Variants in YAP1 observed in about 807,000 individuals in gnomAD.
YAP1 encodes the protein Yes1 associated transcriptional regulator, also known as transcriptional coactivator YAP1.
Under a neutral mutation model 56.9 loss-of-function variants are expected in YAP1, and 5 were observed. The observed-to-expected ratio is 0.09, with a 90% CI of 0.05 to 0.18. The LOEUF (loss-of-function observed/expected upper bound fraction) is 0.18. Ranked by LOEUF, YAP1 falls within the 10% of genes least tolerant of loss-of-function variation. The pLI is 1.00. For synonymous variants in YAP1, 265 were observed against 248.1 expected (o/e 1.07, Z -0.64); for missense variants, 539 against 651.8 (o/e 0.83, Z 1.88).
chr11:102,166,433 A>G (rs1299578229), intron 3 of YAP1, among the ~76,000 whole-genome samples: 3 of 152,234 alleles, frequency 2.0e-5, no homozygotes, highest in African/African-American at 4.8e-5. Flanking sequence ...TTGACATGTT[A>G]ATAAGGTTTC....
At chr11:102,180,838 G>A (rs377002516) in intron 3 of YAP1, among the ~76,000 whole-genome samples, 2 of 151,750 alleles carry the variant, frequency 1.3e-5, no homozygotes, top group East Asian at 1.9e-4. Flanking sequence ...AAAATGTTTC[G>A]AAGCTAAATG....
Position 102,110,658 on chromosome 11 carries a change from AGGGCGGGGGCGGAGGCGCCGGGGCGGG to A in YAP1, c.-188_-162del. On this transcript the variant is annotated 5_prime_UTR_variant, in exon 1 of 9. Coordinates refer to ENST00000282441, the MANE Select transcript of YAP1 (RefSeq NM_001130145.3). ...CGCCAGACCAGTGGAGCCGGGGCGC[AGGGCGGGGGCGGAGGCGCCGGGGCGGG>A]GGATGCGGGGCCGCGGCGCAGCCCC... The A allele has an allele frequency of 3.1e-6, 1 of 324,176 alleles. No individual in the cohort carries two copies. The highest frequency in any genetic ancestry group is 1.4e-4 in the South Asian group (1 of 7,190). 20.1% of individuals were successfully genotyped at this position (324,176 alleles called of 1,614,324 possible).
At chr11:102,222,644 T>C (rs1410538626) in intron 6 of YAP1, among the ~76,000 whole-genome samples, 1 of 152,134 alleles carries the variant, frequency 6.6e-6, no homozygotes, top group Non-Finnish European at 1.5e-5. Flanking sequence ...AATATTATGT[T>C]TGTGGTGGAG....
At chr11:102,171,915 C>T (rs1456130799) in intron 3 of YAP1, among the ~76,000 whole-genome samples, 2 of 152,050 alleles carry the variant, frequency 1.3e-5, no homozygotes, top group Non-Finnish European at 2.9e-5. Context: ...CAGGACCAGG[C>T]GTGGTGGCTC....
intron 3 of YAP1, among the ~76,000 whole-genome samples, chr11:102,181,406 A>G (rs961646394): frequency 6.6e-6 from 1 of 152,156 alleles, no homozygotes; most frequent in Non-Finnish European, 1.5e-5. Context: ...AGATTGCGCC[A>G]CTGCACTCCA....
chr11:102,129,856 G>A (rs955519539), intron 2 of YAP1, among the ~76,000 whole-genome samples: 1 of 135,800 alleles, frequency 7.4e-6, no homozygotes, highest in African/African-American at 2.8e-5. Flanking sequence ...CTGGAGTGAT[G>A]CAGTGGCACT....
At chr11:102,228,634 CAA>C (rs71059544) in intron 8 of YAP1, among the ~76,000 whole-genome samples, 37 of 31,632 alleles carry the variant, frequency 1.2e-3, no homozygotes, top group East Asian at 5.8e-3. Context: ...GACTCCGTCT[CAA>C]AAAAAAAAAA....
chr11:102,223,081 TA>T (rs35885067), intron 6 of YAP1, among the ~76,000 whole-genome samples: 51,565 of 150,246 alleles, frequency 0.34, 8,965 homozygotes, highest in East Asian at 0.41. Flanking sequence ...CCGTCTCTAC[TA>T]AAAAAAATAC....
At chr11:102,158,978 A>G (rs1946113267) in intron 2 of YAP1, among the ~76,000 whole-genome samples, 1 of 152,190 alleles carries the variant, frequency 6.6e-6, no homozygotes, top group Non-Finnish European at 1.5e-5. Flanking sequence ...TTTGGTTTAT[A>G]TTGACAGAAC....
intron 3 of YAP1, among the ~76,000 whole-genome samples, chr11:102,168,164 C>T (rs1305190177): frequency 6.6e-6 from 1 of 152,094 alleles, no homozygotes; most frequent in Non-Finnish European, 1.5e-5. Context: ...TTTTTGTGTT[C>T]AGCATTAGAA....
chr11:102,199,015 T>A (rs1432142296), intron 4 of YAP1, among the ~76,000 whole-genome samples: 1 of 152,126 alleles, frequency 6.6e-6, no homozygotes, highest in Non-Finnish European at 1.5e-5. Context: ...AGAATGTATG[T>A]GTATGTCTAT....
At chr11:102,157,286 A>G (rs745464917) in intron 2 of YAP1, among the ~76,000 whole-genome samples, 3 of 152,238 alleles carry the variant, frequency 2.0e-5, no homozygotes, top group Non-Finnish European at 2.9e-5. Context: ...ACAAATATAA[A>G]AAGCCTATAG....
intron 3 of YAP1, among the ~76,000 whole-genome samples, chr11:102,164,348 T>G (rs913875024): frequency 6.6e-6 from 1 of 152,128 alleles, no homozygotes; most frequent in African/African-American, 2.4e-5. Flanking sequence ...TTAAAAAAAT[T>G]TTAAGACAAA....
At chr11:102,170,803 T>C (rs1019945265) in intron 3 of YAP1, among the ~76,000 whole-genome samples, 19 of 151,982 alleles carry the variant, frequency 1.3e-4, no homozygotes, top group African/African-American at 3.4e-4. Flanking sequence ...ACCCCGTCTC[T>C]ACTAAAAATA....
chr11:102,232,278 T>TGGG lies in YAP1; in HGVS notation c.*2346_*2348dup, dbSNP rs139531277. ...AGCTTAGGGGGAGGGTGGGAAAGTT[T>TGGG]GGGGGGGGGGTTGTGAAGATTTAGG... On this transcript the variant is annotated 3_prime_UTR_variant, in exon 9 of 9. Coordinates refer to ENST00000282441, the MANE Select transcript of YAP1 (RefSeq NM_001130145.3). 5.3e-5 allele frequency: 3 copies of TGGG among 56,894 alleles called. No homozygotes were observed. The highest frequency in any genetic ancestry group is 1.8e-4 in the African/African-American group (3 of 16,410). 3.5% of individuals were successfully genotyped at this position (56,894 alleles called of 1,614,324 possible). A position where few individuals can be genotyped will look rare whatever the true frequency, so the allele number is the denominator to read the frequency against.
chr11:102,147,111 A>G (rs755903020), intron 2 of YAP1, among the ~76,000 whole-genome samples: 2 of 152,210 alleles, frequency 1.3e-5, no homozygotes. Context: ...CCAAAATCGT[A>G]GAACTAATAA....
intron 8 of YAP1, among the ~76,000 whole-genome samples, chr11:102,228,244 T>A (rs1407625089): frequency 1.3e-5 from 2 of 152,240 alleles, no homozygotes; most frequent in Middle Eastern, 3.4e-3. Flanking sequence ...TTTGTCTTCA[T>A]CTTTTCTCTA....
At chr11:102,141,719 A>C (rs983154754) in intron 2 of YAP1, among the ~76,000 whole-genome samples, 4 of 152,180 alleles carry the variant, frequency 2.6e-5, no homozygotes, top group Admixed American at 2.0e-4. Context: ...CATTTGGTTA[A>C]AAAAATTTCC....
chr11:102,164,985 A>G (rs1162860346), intron 3 of YAP1, among the ~76,000 whole-genome samples: 1 of 152,060 alleles, frequency 6.6e-6, no homozygotes, highest in Non-Finnish European at 1.5e-5. Flanking sequence ...GGCCTCCCAA[A>G]GTGTTGGGAT....
Sources: allele counts gnomAD v4.1 joint callset (sites outside exome capture counted in the v4.1 genomes callset), GRCh38; gene constraint gnomAD v4.1.1; transcripts MANE v1.5; gene names NCBI Gene and HGNC (gene_info 2026-07-23, HGNC 2026-07-21).